Variants in ITIH5 observed in about 807,000 individuals in gnomAD.
The protein encoded by ITIH5 is inter-alpha-trypsin inhibitor heavy chain H5.
Under a neutral mutation model 77.5 loss-of-function variants are expected in ITIH5, and 65 were observed. The ratio of observed to expected loss-of-function variants is 0.84; its 90% confidence interval spans 0.69 to 1.03. The LOEUF (loss-of-function observed/expected upper bound fraction) is 1.03. ITIH5 is among the 50% of genes least tolerant of loss of function. The pLI is 0.00. For synonymous variants in ITIH5, 525 were observed against 494.3 expected (o/e 1.06, Z -0.82); for missense variants, 1,208 against 1,213.1 (o/e 1.00, Z 0.06).
At chr10:7,583,112 C>T (rs562456944) in intron 8 of ITIH5, among the ~76,000 whole-genome samples, 4 of 152,186 alleles carry the variant, frequency 2.6e-5, no homozygotes, top group African/African-American at 9.6e-5. Flanking sequence ...AACACATATA[C>T]CTACTCTGGA....
chr10:7,648,029 G>A (rs1192135805), intron 2 of ITIH5, among the ~76,000 whole-genome samples: 1 of 151,318 alleles, frequency 6.6e-6, no homozygotes, highest in African/African-American at 2.4e-5. Flanking sequence ...GGATCACGAA[G>A]TCAGGAGATC....
At chr10:7,591,050 T>C (rs12269631) in intron 7 of ITIH5, among the ~76,000 whole-genome samples, 45,410 of 151,874 alleles carry the variant, frequency 0.3, 7,303 homozygotes, top group East Asian at 0.49. Context: ...GCACACGCCA[T>C]CACGCTCAGC....
At chr10:7,663,059 C>T (rs556368576) in intron 1 of ITIH5, among the ~76,000 whole-genome samples, 27 of 152,174 alleles carry the variant, frequency 1.8e-4, no homozygotes, top group Non-Finnish European at 2.8e-4. Flanking sequence ...CACCTATGTG[C>T]CATGAGCTAC....
chr10:7,633,381 A>G (rs1285616736), intron 5 of ITIH5, among the ~76,000 whole-genome samples: 1 of 142,596 alleles, frequency 7.0e-6, no homozygotes, highest in Non-Finnish European at 1.5e-5. Context: ...TTCAATCCTG[A>G]TATATCATAA....
chr10:7,589,754 G>A (rs752555504), intron 7 of ITIH5, among the ~76,000 whole-genome samples: 1 of 151,864 alleles, frequency 6.6e-6, no homozygotes, highest in Non-Finnish European at 1.5e-5. Context: ...CAGGAAATAC[G>A]TCAAAGTATC....
At chr10:7,644,912 A>T (rs201185601) in intron 2 of ITIH5, among the ~76,000 whole-genome samples, 15 of 26,418 alleles carry the variant, frequency 5.7e-4, no homozygotes, top group Admixed American at 1.8e-3. Flanking sequence ...TATATATATC[A>T]CATATATATA....
intron 10 of ITIH5, among the ~76,000 whole-genome samples, chr10:7,575,748 A>T (rs1322454625): frequency 1.3e-5 from 2 of 152,144 alleles, no homozygotes; most frequent in South Asian, 4.1e-4. Context: ...ACACAATTAA[A>T]TTATACTACA....
At chr10:7,633,924 C>T (rs1833753523) in intron 5 of ITIH5, among the ~76,000 whole-genome samples, 1 of 151,724 alleles carries the variant, frequency 6.6e-6, no homozygotes, top group Non-Finnish European at 1.5e-5. Flanking sequence ...CTCGTCTCTA[C>T]TAAAAACACA....
At chr10:7,573,088 C>G in intron 11 of ITIH5, 54 bp downstream of exon 11, 1 of 1,560,360 alleles carries the variant, frequency 6.4e-7, no homozygotes, top group Non-Finnish European at 8.8e-7. Context: ...TGGTTTTACA[C>G]TTTTTAAACA....
chr10:7,566,199 C>A lies in ITIH5; in HGVS notation c.2358G>T (p.Leu786=). 5 of 1,614,000 alleles carry A rather than the reference C, an allele frequency of 3.1e-6. No individual in the cohort carries two copies. Among genetic ancestry groups the A allele is most frequent in the Non-Finnish European group, 4.2e-6 (5 of 1,179,972 alleles). The change falls in exon 13 of 14, where the codon CTG becomes CTT. Residue 786 remains leucine (L), a synonymous_variant. Coordinates refer to ENST00000397146, the MANE Select transcript of ITIH5 (RefSeq NM_030569.7). ...NQSVVVGSWG[L]EVSVSANANV... ...TGGCGTTGGCAGACACGGACACCTC[C>A]AGCCCCCAGCTCCCCACCACCACAC...
intron 10 of ITIH5, among the ~76,000 whole-genome samples, chr10:7,573,631 G>T (rs1209215580): frequency 7.3e-6 from 1 of 136,544 alleles, no homozygotes; most frequent in Non-Finnish European, 1.5e-5. Flanking sequence ...AGCTGTGACT[G>T]CACCACTGCA....
At chr10:7,572,401 GA>G in intron 11 of ITIH5, 2 of 1,363,076 alleles carry the variant, frequency 1.5e-6, no homozygotes. Context: ...GCCACGAACT[GA>G]AAAAAATGAA....
chr10:7,642,921 G>A (rs544410912), intron 2 of ITIH5, among the ~76,000 whole-genome samples: 5 of 152,312 alleles, frequency 3.3e-5, no homozygotes, highest in African/African-American at 9.6e-5. Flanking sequence ...AGCATGTTAT[G>A]GGCTGTGTCC....
chr10:7,646,469 GT>G (rs1201726839), intron 2 of ITIH5, among the ~76,000 whole-genome samples: 2 of 152,180 alleles, frequency 1.3e-5, no homozygotes, highest in African/African-American at 2.4e-5. Context: ...TAGTGATATA[GT>G]TAGTTCATCT....
intron 13 of ITIH5, among the ~76,000 whole-genome samples, 165 bp downstream of exon 13, chr10:7,565,865 T>C (rs948957935): frequency 5.3e-5 from 8 of 150,964 alleles, no homozygotes; most frequent in Admixed American, 2.0e-4. Context: ...ACTATATATA[T>C]GTACACACAC....
chr10:7,576,440 AG>A lies in ITIH5; in HGVS notation c.1978+12del. On this transcript the variant is annotated intron_variant, in intron 10 of 13. Transcript: ENST00000397146. Reference sequence around the variant, plus strand: ...CGCGTCCCCCACACCTGGCTGGCACAGGTGCCTCGTACCTGGCTGCGTGCCA... The same window carrying A: ...CGCGTCCCCCACACCTGGCTGGCACAGTGCCTCGTACCTGGCTGCGTGCCA... The A allele has an allele frequency of 6.4e-7, 1 of 1,551,682 alleles. No individual in the cohort carries two copies. Among genetic ancestry groups the A allele is most frequent in the Non-Finnish European group, 8.7e-7 (1 of 1,152,998 alleles).
chr10:7,596,223 C>G (rs1033318194), intron 7 of ITIH5, among the ~76,000 whole-genome samples: 7 of 152,196 alleles, frequency 4.6e-5, no homozygotes, highest in Admixed American at 2.6e-4. Context: ...TCCGCTCCCT[C>G]TTTCCTATAA....
intron 5 of ITIH5, among the ~76,000 whole-genome samples, chr10:7,632,788 A>G (rs1288445615): frequency 2.0e-5 from 3 of 152,352 alleles, no homozygotes; most frequent in Admixed American, 2.0e-4. Context: ...AGAGTCATTG[A>G]TGTAAAATCA....
intron 13 of ITIH5, among the ~76,000 whole-genome samples, chr10:7,564,812 TAC>T (rs956737809): frequency 6.6e-6 from 1 of 150,970 alleles, no homozygotes; most frequent in South Asian, 2.1e-4. Context: ...TGTGTATATA[TAC>T]ACACACACAC....
Sources: gnomAD v4.1 joint callset for allele counts (sites outside exome capture counted in the v4.1 genomes callset) on GRCh38, gnomAD v4.1.1 for gene constraint, MANE v1.5 for transcripts, NCBI Gene and HGNC (gene_info 2026-07-23, HGNC 2026-07-21) for gene names.